GNPTAB: variants seen among roughly 807,000 people sequenced by gnomAD.
The protein encoded by GNPTAB is N-acetylglucosamine-1-phosphotransferase subunits alpha/beta.
In GNPTAB, 92 loss-of-function variants were observed where a neutral mutation model predicts 136.6. That is an observed-to-expected ratio of 0.67 (90% CI 0.57 to 0.80). The LOEUF (loss-of-function observed/expected upper bound fraction) is 0.80, where lower values mean the gene tolerates loss of function less well. Among genes scored for constraint, GNPTAB ranks in the 30% least tolerant of loss-of-function variants. GNPTAB has a pLI of 0.00. For synonymous variants in GNPTAB, 512 were observed against 535.1 expected (o/e 0.96, Z 0.60); for missense variants, 1,343 against 1,501.8 (o/e 0.89, Z 1.75).
At chr12:101,758,896 T>C (rs1208016689) in intron 16 of GNPTAB, among the ~76,000 whole-genome samples, 1 of 152,224 alleles carries the variant, frequency 6.6e-6, no homozygotes, top group African/African-American at 2.4e-5. Context: ...GTAGAAAATA[T>C]GAAAAACTCT....
At chr12:101,813,499 T>A (rs1220262295) in intron 1 of GNPTAB, among the ~76,000 whole-genome samples, 1 of 152,248 alleles carries the variant, frequency 6.6e-6, no homozygotes, top group East Asian at 1.9e-4. Flanking sequence ...TATAATCTGA[T>A]TCACATTTTT....
chr12:101,755,434 CT>C (rs1327570972), intron 18 of GNPTAB, among the ~76,000 whole-genome samples: 13 of 152,198 alleles, frequency 8.5e-5, no homozygotes, highest in African/African-American at 3.1e-4. Flanking sequence ...TTGAGTGTAT[CT>C]TGGATTAAAA....
Position 101,830,711 on chromosome 12 carries a change from T to A in GNPTAB, c.-36A>T. On this transcript the variant is annotated 5_prime_UTR_variant, in exon 1 of 21. Transcript: ENST00000299314. Reference sequence around the variant, plus strand: ...CCGCCACGCCACGCCCCGAGGAGCCTGAGCCGCCGCCGCCGCCGCCGCCGC... The same window carrying A: ...CCGCCACGCCACGCCCCGAGGAGCCAGAGCCGCCGCCGCCGCCGCCGCCGC... The A allele has an allele frequency of 7.6e-7, 1 of 1,314,844 alleles. No individual in the cohort carries two copies. Among genetic ancestry groups the A allele is most frequent in the Non-Finnish European group, 1.0e-6 (1 of 957,148 alleles). 81.4% of individuals were successfully genotyped at this position (1,314,844 alleles called of 1,614,324 possible). A position where few individuals can be genotyped will look rare whatever the true frequency, so the allele number is the denominator to read the frequency against.
At position 101,766,172 on chromosome 12, in the gene GNPTAB, T is replaced by G. The variant is rs772436379; in HGVS notation, c.1531A>C (p.Asn511His). Residue 511 changes from asparagine (N) to histidine (H), a missense_variant, in exon 12 of 21, where the codon AAT becomes CAT. Transcript: ENST00000299314. ...SVSYCNQGCA[N>H]SWLADKFCDQ... ...CAGAACTTATCAGCGAGCCAGGAAT[T>G]CGCACATCCCTGATTACAGTAAGAG... is the stretch of plus-strand genomic sequence containing the variant. 6.2e-7 allele frequency: 1 copy of G among 1,614,102 alleles called. No individual in the cohort carries two copies. The highest frequency in any genetic ancestry group is 1.1e-5 in the South Asian group (1 of 91,086).
chr12:101,746,896 G>A lies in GNPTAB; in HGVS notation c.*268C>T. ...ATTAACAGCTGTCTCTTGTCAGTGA[G>A]CCTTTTTATAAAAAGGATGACAGGT... On this transcript the variant is annotated 3_prime_UTR_variant, in exon 21 of 21. Transcript: ENST00000299314. 2.5e-6 allele frequency: 1 copy of A among 407,170 alleles called. No individual in the cohort carries two copies. Among genetic ancestry groups the A allele is most frequent in the Non-Finnish European group, 4.5e-6 (1 of 222,278 alleles). The allele number at this position is 407,170 out of a possible 1,614,324, so 25.2% of individuals were successfully genotyped here.
chr12:101,770,204 A>G lies in GNPTAB; in HGVS notation c.1114-13T>C, dbSNP rs768283290. 16 of 1,613,428 alleles carry G rather than the reference A, an allele frequency of 9.9e-6. No homozygotes were observed. The highest frequency in any genetic ancestry group is 1.4e-5 in the Non-Finnish European group (16 of 1,179,492). ...TTCGAAAAACATCCTTTTAACAACAACAAACAAAAAAAGAGAGTGAATGAG... is the reference window on the plus strand; with the variant it reads ...TTCGAAAAACATCCTTTTAACAACAGCAAACAAAAAAAGAGAGTGAATGAG... On this transcript the variant is annotated splice_polypyrimidine_tract_variant and intron_variant, in intron 9 of 20. Transcript: ENST00000299314.
intron 2 of GNPTAB, among the ~76,000 whole-genome samples, chr12:101,790,625 G>C (rs1247892645): frequency 1.3e-5 from 2 of 151,782 alleles, no homozygotes; most frequent in Non-Finnish European, 2.9e-5. Context: ...AAATTAGCTG[G>C]GTATGGTGGT....
intron 7 of GNPTAB, among the ~76,000 whole-genome samples, chr12:101,776,558 A>G (rs1041388409): frequency 6.6e-6 from 1 of 152,252 alleles, no homozygotes; most frequent in African/African-American, 2.4e-5. Context: ...CTCAGTTAAT[A>G]AAACAAAAAC....
chr12:101,801,539 CAAAAAAAAAAAAAAAA>C (rs36066248), intron 1 of GNPTAB, among the ~76,000 whole-genome samples: 1 of 42,580 alleles, frequency 2.3e-5, no homozygotes, highest in Non-Finnish European at 5.3e-5. Flanking sequence ...GACCCTGTCT[CAAAAAAAAAAAAAAAA>C]AAAAAAAAAA....
intron 1 of GNPTAB, among the ~76,000 whole-genome samples, chr12:101,813,710 T>A (rs1295404868): frequency 6.6e-6 from 1 of 152,162 alleles, no homozygotes; most frequent in Non-Finnish European, 1.5e-5. Context: ...TAAAAATTAT[T>A]GAGGACTGGC....
At chr12:101,823,567 G>A (rs190355071) in intron 1 of GNPTAB, among the ~76,000 whole-genome samples, 35 of 139,422 alleles carry the variant, frequency 2.5e-4, no homozygotes, top group Non-Finnish European at 6.0e-5. Flanking sequence ...CTGAGATTGC[G>A]CCACTGCACT....
At chr12:101,804,678 T>C (rs1478091733) in intron 1 of GNPTAB, among the ~76,000 whole-genome samples, 3 of 152,230 alleles carry the variant, frequency 2.0e-5, no homozygotes, top group Non-Finnish European at 4.4e-5. Context: ...AGTAGCCACA[T>C]GCAGTTAGTG....
chr12:101,811,866 C>T (rs939629105), intron 1 of GNPTAB, among the ~76,000 whole-genome samples: 10 of 150,736 alleles, frequency 6.6e-5, no homozygotes, highest in Middle Eastern at 3.4e-3. Flanking sequence ...CTCGAACTCC[C>T]GACCTCAGGT....
chr12:101,771,947 C>T (rs191380168), intron 7 of GNPTAB, among the ~76,000 whole-genome samples: 27 of 152,358 alleles, frequency 1.8e-4, no homozygotes, highest in Admixed American at 4.6e-4. Context: ...AGTACATCTG[C>T]TAGTGGGGTG....
chr12:101,749,896 G>A (rs1441127960), intron 19 of GNPTAB, among the ~76,000 whole-genome samples: 1 of 152,194 alleles, frequency 6.6e-6, no homozygotes, highest in Non-Finnish European at 1.5e-5. Flanking sequence ...ACCACACCGT[G>A]GGGTCTGGAC....
At chr12:101,756,728 T>C (rs56326405) in intron 18 of GNPTAB, among the ~76,000 whole-genome samples, 1,710 of 152,346 alleles carry the variant, frequency 0.011, 41 homozygotes, top group African/African-American at 0.039. Flanking sequence ...AAAGAAATTG[T>C]TAAGACTTAG....
chr12:101,771,014 A>AT lies in GNPTAB; in HGVS notation c.914dup (p.Asp305GlufsTer9), dbSNP rs281864967. 1 of 1,614,136 alleles carries AT rather than the reference A, an allele frequency of 6.2e-7. No homozygotes were observed. The highest frequency in any genetic ancestry group is 2.2e-5 in the East Asian group (1 of 44,882). On this transcript the variant is annotated frameshift_variant, in exon 8 of 21. Transcript: ENST00000299314. LOFTEE classifies it high-confidence loss of function. Reference sequence around the variant, plus strand: ...CCCTTACCTGGCTGATGGCGCTCAGATCCCATAATAAATATGCAGGACTTA... The same window carrying AT: ...CCCTTACCTGGCTGATGGCGCTCAGATTCCCATAATAAATATGCAGGACTTA...
rs779950443 is a variant in GNPTAB at position 101,760,070 on chromosome 12, T to G, written c.3209A>C (p.Asn1070Thr). 1.9e-6 allele frequency: 3 copies of G among 1,613,526 alleles called. No individual in the cohort carries two copies. The highest frequency in any genetic ancestry group is 2.5e-6 in the Non-Finnish European group (3 of 1,179,444). ...GTAGGATTCCTGAGTTGGTGGAATATTATTTAGCTGCGTGATATCAGCAGG... is the reference window on the plus strand; with the variant it reads ...GTAGGATTCCTGAGTTGGTGGAATAGTATTTAGCTGCGTGATATCAGCAGG... ...MLPADITQLNNIPPTQESYYD... is the reference protein window; with the variant it reads ...MLPADITQLNTIPPTQESYYD... Residue 1070 changes from asparagine to threonine, a missense_variant, in exon 16 of 21, where the codon AAT becomes ACT. Coordinates refer to ENST00000299314, the MANE Select transcript of GNPTAB (RefSeq NM_024312.5).
In GNPTAB at chr12:101,749,430, A is replaced by G. The variant is rs11110994; in HGVS notation, c.3603-239T>C. Among the ~76,000 whole-genome samples, 3,346 of 152,302 alleles carry G rather than the reference A, an allele frequency of 0.022. 339 individuals are homozygous for G. The East Asian group carries it at 0.31, about 14-fold the overall frequency. On this transcript the variant is annotated intron_variant, in intron 19 of 20. Coordinates refer to ENST00000299314, the MANE Select transcript of GNPTAB (RefSeq NM_024312.5). ...TATCCAGGCAGGAGAGAGGACTTCA[A>G]AAGAAAATTACTTCTGGCACTTAAA... is the stretch of plus-strand genomic sequence containing the variant.
Sources: gnomAD v4.1 joint callset for allele counts (sites outside exome capture counted in the v4.1 genomes callset) on GRCh38, gnomAD v4.1.1 for gene constraint, MANE v1.5 for transcripts, NCBI Gene and HGNC (gene_info 2026-07-23, HGNC 2026-07-21) for gene names.